Variants in MTMR10 observed in about 807,000 individuals in gnomAD.
The protein encoded by MTMR10 is myotubularin-related protein 10.
In MTMR10, 56 loss-of-function variants were observed where a neutral mutation model predicts 88.1. That is an observed-to-expected ratio of 0.64 (90% confidence interval 0.51 to 0.79). The LOEUF is 0.79. Ranked by LOEUF, MTMR10 falls within the 30% of genes least tolerant of loss-of-function variation. MTMR10 has a pLI of 0.00. For missense variants in MTMR10, 883 were observed against 924.7 expected (o/e 0.95, Z 0.58); for synonymous variants, 380 against 340.9 (o/e 1.11, Z -1.26).
chr15:30,926,759 C>T, the MTMR10 span: 3 of 985,382 alleles, frequency 3.0e-6, no homozygotes, highest in Non-Finnish European at 3.6e-6. Flanking sequence ...AGGAAGCAGG[C>T]TGGGACGTGG....
At chr15:30,990,337 G>A (rs2031232424) in intron 2 of MTMR10, among the ~76,000 whole-genome samples, 1 of 152,130 alleles carries the variant, frequency 6.6e-6, no homozygotes, top group African/African-American at 2.4e-5. Flanking sequence ...GAAAAGCCTG[G>A]TTCTAAACTG....
rs1416987137 is a variant in MTMR10, at chr15:30,939,328, G to A, written c.*2142C>T. 1 of 985,444 alleles carries A rather than the reference G, an allele frequency of 1.0e-6. No individual in the cohort carries two copies. The highest frequency in any genetic ancestry group is 1.1e-4 in the East Asian group (1 of 8,820). 61.0% of individuals were successfully genotyped at this position (985,444 alleles called of 1,614,324 possible). A position where few individuals can be genotyped will look rare whatever the true frequency, so the allele number is the denominator to read the frequency against. The stretch of plus-strand genomic sequence containing the variant: ...TCTGTGCGGCATTCCCTCAGCACGG[G>A]CTCTGCTGGCGGGCAGCAGGGGTGC... On this transcript the variant is annotated 3_prime_UTR_variant, in exon 16 of 16. Transcript: ENST00000435680.
At chr15:30,929,879 TAATA>T in the MTMR10 span, among the ~76,000 whole-genome samples, 1 of 92,602 alleles carries the variant, frequency 1.1e-5, no homozygotes, top group African/African-American at 4.7e-5. Flanking sequence ...ATAAAATATA[TAATA>T]TATATCATAT....
the MTMR10 span, among the ~76,000 whole-genome samples, chr15:30,932,031 G>A: frequency 1.3e-5 from 2 of 151,624 alleles, no homozygotes; most frequent in Non-Finnish European, 2.9e-5. Context: ...GACCATCCTG[G>A]CTAACATGGT....
intron 9 of MTMR10, among the ~76,000 whole-genome samples, chr15:30,958,420 G>A (rs2063356081): frequency 1.3e-5 from 2 of 152,216 alleles, no homozygotes; most frequent in South Asian, 4.1e-4. Flanking sequence ...CTTTAATGAC[G>A]TGGAGGTTAC....
intron 6 of MTMR10, among the ~76,000 whole-genome samples, chr15:30,964,120 CG>C (rs1170858107): frequency 5.3e-5 from 8 of 151,990 alleles, no homozygotes; most frequent in African/African-American, 1.9e-4. Flanking sequence ...TCATTAAAAG[CG>C]GGAAGTGAAA....
intron 5 of MTMR10, among the ~76,000 whole-genome samples, chr15:30,973,921 A>AT (rs1385299078): frequency 6.6e-6 from 1 of 152,220 alleles, no homozygotes; most frequent in Non-Finnish European, 1.5e-5. Context: ...CTTATGTAAC[A>AT]TAAGTCTAGC....
intron 11 of MTMR10, 48 bp downstream of exon 11, chr15:30,953,514 T>C: frequency 7.1e-7 from 1 of 1,401,104 alleles, no homozygotes; most frequent in Non-Finnish European, 9.8e-7. Context: ...AGTCTGTAGT[T>C]ATCTCAAAAT....
At chr15:30,926,875 G>T in the MTMR10 span, 1 of 985,392 alleles carries the variant, frequency 1.0e-6, no homozygotes, top group Non-Finnish European at 1.2e-6. Context: ...CGTGAAACTG[G>T]GCTGAACTCT....
chr15:30,939,367 G>A lies in MTMR10; in HGVS notation c.*2103C>T, dbSNP rs1354516597. 1.0e-6 allele frequency: 1 copy of A among 985,312 alleles called. No homozygotes were observed. 61.0% of individuals were successfully genotyped at this position (985,312 alleles called of 1,614,324 possible). On this transcript the variant is annotated 3_prime_UTR_variant, in exon 16 of 16. Coordinates refer to ENST00000435680, the MANE Select transcript of MTMR10 (RefSeq NM_017762.3). ...CAGCAGGGGTGCTGAGCTCTCTCTA[G>A]TGCGCCCTGTGCAGCCACACCACTG...
At chr15:30,924,826 A>C in the MTMR10 span, among the ~76,000 whole-genome samples, 1 of 152,050 alleles carries the variant, frequency 6.6e-6, no homozygotes, top group East Asian at 1.9e-4. Flanking sequence ...TTTTCCTGTA[A>C]AGTCAGGTAC....
At chr15:30,928,780 A>G in the MTMR10 span, 15 of 1,523,414 alleles carry the variant, frequency 9.8e-6, no homozygotes, top group East Asian at 3.0e-4. Flanking sequence ...TGGGTCATCC[A>G]CAGGTCAAGA....
chr15:30,930,399 A>C, the MTMR10 span: 2 of 896,732 alleles, frequency 2.2e-6, no homozygotes, highest in Non-Finnish European at 3.2e-6. Context: ...TGGTACAAGC[A>C]GCAGAACAGC....
the MTMR10 span, among the ~76,000 whole-genome samples, chr15:30,933,645 G>T: frequency 6.6e-6 from 1 of 152,124 alleles, no homozygotes; most frequent in African/African-American, 2.4e-5. Flanking sequence ...CAAGTTGGTT[G>T]ATAGTGTTGT....
chr15:30,941,913 A>G lies in MTMR10; in HGVS notation c.1891T>C (p.Phe631Leu), dbSNP rs765447246. ...DSQNSDTEQY[F>L]REWFSKPANL... ...GCGGGTTTGGAAAACCATTCTCTAA[A>G]ATACTGCTCCGTATCACTGTTCTGG... is the stretch of plus-strand genomic sequence containing the variant. The change falls in exon 16 of 16, where the codon TTT becomes CTT. Residue 631 changes from phenylalanine to leucine, a missense_variant. Around this residue, in one of 3 missense-constraint regions of MTMR10, gnomAD observed 343 missense variants for 323.2 expected, o/e 1.06. Transcript: ENST00000435680. The G allele has an allele frequency of 6.2e-7, 1 of 1,613,948 alleles. No homozygotes were observed. The highest frequency in any genetic ancestry group is 2.2e-5 in the East Asian group (1 of 44,884).
chr15:30,967,999 T>G lies in MTMR10; in HGVS notation c.486A>C (p.Ala162=). ...CTGTTGGCTGGGAATAATGAGCTAT[T>G]GCAAGGCATACCTAGGAAAAATTCT... The part of the protein sequence containing the change: ...GPESAKKVCL[A]IAHYSQPTDL... Residue 162 remains alanine, a synonymous_variant, in exon 6 of 16, where the codon GCA becomes GCC. Transcript: ENST00000435680. 6.4e-7 allele frequency: 1 copy of G among 1,566,186 alleles called. No homozygotes were observed. The highest frequency in any genetic ancestry group is 1.2e-5 in the South Asian group (1 of 84,700).
chr15:30,943,959 T>C (rs745883374), intron 14 of MTMR10: 2 of 985,408 alleles, frequency 2.0e-6, no homozygotes, highest in Non-Finnish European at 2.4e-6. Context: ...ACAAAGTCGC[T>C]GGATGATGGG....
At chr15:30,919,273 G>A in the MTMR10 span, among the ~76,000 whole-genome samples, 1 of 151,290 alleles carries the variant, frequency 6.6e-6, no homozygotes, top group Non-Finnish European at 1.5e-5. Flanking sequence ...CCAGCTACTC[G>A]GGAGGCTGAG....
At chr15:30,963,670 C>CAGATAGATAGACAGACAGATAGAT (rs1555409481) in intron 6 of MTMR10, among the ~76,000 whole-genome samples, 3 of 99,410 alleles carry the variant, frequency 3.0e-5, no homozygotes, top group Admixed American at 9.7e-5. Flanking sequence ...GATAGACAGA[C>CAGATAGATAGACAGACAGATAGAT]AGATAGATAG....
Sources: gnomAD v4.1 joint callset for allele counts (sites outside exome capture counted in the v4.1 genomes callset) on GRCh38, gnomAD v4.1.1 for gene constraint, gnomAD v4.1.1 regional missense constraint, MANE v1.5 for transcripts, NCBI Gene and HGNC (gene_info 2026-07-23, HGNC 2026-07-21) for gene names.